The following SERHL2 variants were observed in gnomAD, a reference collection of about 807,000 sequenced individuals.
The protein encoded by SERHL2 is serine hydrolase-like protein 2.
In SERHL2, 29 loss-of-function variants were observed where a neutral mutation model predicts 25.5. The ratio of observed to expected loss-of-function variants is 1.14; its 90% confidence interval spans 0.85 to 1.55. The LOEUF is 1.55. Among genes scored for constraint, SERHL2 ranks in the 40% most tolerant of loss-of-function variants. The pLI is 0.00. For synonymous variants in SERHL2, 95 were observed against 103.5 expected (o/e 0.92, Z 0.50); for missense variants, 240 against 252.3 (o/e 0.95, Z 0.33).
Position 42,571,191 on chromosome 22 carries a change from T to A in SERHL2, c.719T>A (p.Val240Asp), listed in dbSNP as rs1432053709. The A allele has an allele frequency of 1.2e-6, 2 of 1,613,322 alleles. No homozygotes were observed. Among genetic ancestry groups the A allele is most frequent in the Admixed American group, 3.3e-5 (2 of 60,006 alleles). The change falls in exon 10 of 12, where the codon GTC becomes GAC. Residue 240 changes from valine to aspartate, a missense_variant. Val to Asp is a radical substitution (Grantham distance 152). Around this residue, in one of 4 missense-constraint regions of SERHL2, gnomAD observed 212 missense variants for 168.9 expected, o/e 1.25. Transcript: ENST00000327678. ...AHSIRKLQAH[V>D]LLIKAVHGYF... Reference sequence around the variant, plus strand: ...TCCATCAGGAAGCTGCAGGCCCATGTCCTGTTGATCAAGTAAGTCTGGACC... The same window carrying A: ...TCCATCAGGAAGCTGCAGGCCCATGACCTGTTGATCAAGTAAGTCTGGACC...
intron 6 of SERHL2, 73 bp downstream of exon 6, chr22:42,556,661 TC>T (rs2146669615): frequency 7.9e-7 from 1 of 1,271,998 alleles, no homozygotes; most frequent in East Asian, 2.8e-5. Flanking sequence ...CAGCCCTGTC[TC>T]CTTTGGTGGA....
rs774273739 is a variant in SERHL2, at chr22:42,574,071, T to C, written c.*16T>C. 20 of 1,610,734 alleles carry C rather than the reference T, an allele frequency of 1.2e-5. No homozygotes were observed. The highest frequency in any genetic ancestry group is 1.7e-5 in the Non-Finnish European group (20 of 1,177,430). ...CCAGCTGTAGCTCTGGGCCTGGAAC[T>C]ATGAAGACCTAGTGCTCCCAGACTC... is the stretch of plus-strand genomic sequence containing the variant. On this transcript the variant is annotated 3_prime_UTR_variant, in exon 12 of 12. Coordinates refer to ENST00000327678, the MANE Select transcript of SERHL2 (RefSeq NM_014509.5).
chr22:42,567,640 C>T lies in SERHL2; in HGVS notation c.648+1302C>T, dbSNP rs533594293. 7.3e-5 allele frequency among the ~76,000 whole-genome samples: 11 copies of T among 150,740 alleles called. No homozygotes were observed. The East Asian group carries it at 9.8e-4, about 13-fold the overall frequency. Reference sequence around the variant, plus strand: ...GATTGCGCCACTGCAGTTCGCAGTCCGGCCTGGGCGACAGAGCGAGACTCC... The same window carrying T: ...GATTGCGCCACTGCAGTTCGCAGTCTGGCCTGGGCGACAGAGCGAGACTCC... On this transcript the variant is annotated intron_variant, in intron 9 of 11. Coordinates refer to ENST00000327678, the MANE Select transcript of SERHL2 (RefSeq NM_014509.5).
intron 8 of SERHL2, among the ~76,000 whole-genome samples, chr22:42,560,495 G>A (rs1240006937): frequency 6.6e-6 from 1 of 151,868 alleles, no homozygotes; most frequent in African/African-American, 2.4e-5. Flanking sequence ...AGAAAGCCAC[G>A]CTCTGGGAGA....
intron 5 of SERHL2, chr22:42,556,291 T>A: frequency 1.9e-6 from 1 of 531,958 alleles, no homozygotes; most frequent in Non-Finnish European, 3.5e-6. Flanking sequence ...CACCGCACCC[T>A]GGAGTCCAGC....
chr22:42,574,214 C>T lies in SERHL2; in HGVS notation c.*159C>T. ...GTCAGGGGAAGGAGCGAGATTCCAACTTCAACATCTGTGACCTCAAGGGGG... is the reference window on the plus strand; with the variant it reads ...GTCAGGGGAAGGAGCGAGATTCCAATTTCAACATCTGTGACCTCAAGGGGG... On this transcript the variant is annotated 3_prime_UTR_variant, in exon 12 of 12. Transcript: ENST00000327678. 1 of 642,986 alleles carries T rather than the reference C, an allele frequency of 1.6e-6. No homozygotes were observed. The highest frequency in any genetic ancestry group is 2.7e-6 in the Non-Finnish European group (1 of 368,042). 39.8% of individuals were successfully genotyped at this position (642,986 alleles called of 1,614,324 possible).
At chr22:42,560,370 C>A in intron 8 of SERHL2, 105 bp downstream of exon 8, 1 of 795,516 alleles carries the variant, frequency 1.3e-6, no homozygotes, top group Non-Finnish European at 2.2e-6. Flanking sequence ...GCTTTGCAAA[C>A]AGCATCTCAC....
chr22:42,566,485 G>A (rs985446992), intron 9 of SERHL2, 147 bp downstream of exon 9: 4 of 733,250 alleles, frequency 5.5e-6, no homozygotes, highest in African/African-American at 1.7e-5. Context: ...TTGAATGGGA[G>A]GCAGAGGTTG....
rs1923391923 is a variant in SERHL2 at position 42,566,396 on chromosome 22, T to C, written c.648+58T>C. 75 of 1,570,654 alleles carry C rather than the reference T, an allele frequency of 4.8e-5. 2 individuals are homozygous for C. The South Asian group carries it at 7.6e-4, about 16-fold the overall frequency. ...GGTTTGCCTGTTAGCGTCTTTGTCG[T>C]TTTTGAAAATTACAGGCCAGGCGTG... On this transcript the variant is annotated intron_variant, in intron 9 of 11. Transcript: ENST00000327678.
intron 9 of SERHL2, chr22:42,569,503 A>C (rs1351898259): frequency 6.6e-6 from 1 of 151,834 alleles, no homozygotes; most frequent in East Asian, 1.9e-4. Context: ...CAGGCGATCC[A>C]CCTGCCTCAG....
At chr22:42,568,751 G>A (rs13054218) in intron 9 of SERHL2, among the ~76,000 whole-genome samples, 1 of 151,966 alleles carries the variant, frequency 6.6e-6, no homozygotes, top group Non-Finnish European at 1.5e-5. Flanking sequence ...GATCACTTGA[G>A]GCCAGGAGTT....
chr22:42,573,960 G>A lies in SERHL2; in HGVS notation c.850G>A (p.Gly284Ser). ...GCAGTTCCAGTTTGTGGAAGTCCCA[G>A]GCAATCACTGTGTCCACATGAGCGA... The part of the protein sequence containing the change: ...KEQFQFVEVP[G>S]NHCVHMSEPQ... The change falls in exon 12 of 12, where the codon GGC becomes AGC. Residue 284 changes from glycine to serine, a missense_variant. By Grantham distance (56) the Gly-to-Ser change is moderately conservative. Transcript: ENST00000327678. 1 of 1,444,848 alleles carries A rather than the reference G, an allele frequency of 6.9e-7. No homozygotes were observed. Among genetic ancestry groups the A allele is most frequent in the Non-Finnish European group, 9.6e-7 (1 of 1,045,634 alleles). 89.5% of individuals were successfully genotyped at this position (1,444,848 alleles called of 1,614,324 possible).
intron 7 of SERHL2, among the ~76,000 whole-genome samples, chr22:42,559,229 T>TAA (rs1194822216): frequency 0.024 from 1,672 of 69,306 alleles, 173 homozygotes; most frequent in African/African-American, 0.13. Context: ...ACCCTGTATT[T>TAA]AAAAAAAAAA....
intron 9 of SERHL2, among the ~76,000 whole-genome samples, chr22:42,567,556 C>T (rs1409194395): frequency 6.0e-5 from 9 of 150,600 alleles, no homozygotes; most frequent in East Asian, 2.0e-4. Context: ...CCCAGCTACT[C>T]GGGAGGCTGA....
chr22:42,572,586 C>G (rs1924383850), intron 11 of SERHL2, 57 bp downstream of exon 11: 1 of 1,590,122 alleles, frequency 6.3e-7, no homozygotes, highest in Admixed American at 1.7e-5. Context: ...CTGGTCCCAC[C>G]TCACCCATCT....
At position 42,571,150 on chromosome 22, in the gene SERHL2, G is replaced by A; in HGVS notation, c.678G>A (p.Arg226=). 2 of 1,613,450 alleles carry A rather than the reference G, an allele frequency of 1.2e-6. No homozygotes were observed. Among genetic ancestry groups the A allele is most frequent in the Non-Finnish European group, 1.7e-6 (2 of 1,179,658 alleles). ...WAENSIDFIS[R]ELCAHSIRKL... ...AGAACAGCATTGACTTCATCAGCAG[G>A]GAGCTGTGTGCGCATTCCATCAGGA... The change falls in exon 10 of 12, where the codon AGG becomes AGA. Residue 226 remains arginine (R), a synonymous_variant. Coordinates refer to ENST00000327678, the MANE Select transcript of SERHL2 (RefSeq NM_014509.5).
At chr22:42,571,430 C>G (rs1924175228) in intron 10 of SERHL2, 1 of 1,381,338 alleles carries the variant, frequency 7.2e-7, no homozygotes, top group Non-Finnish European at 9.4e-7. Flanking sequence ...CTGTCCCATG[C>G]CTTTCCACAG....
At chr22:42,560,050 G>C (rs1295904839) in intron 7 of SERHL2, 136 bp from the exon 8 acceptor site, 1 of 662,060 alleles carries the variant, frequency 1.5e-6, no homozygotes, top group Non-Finnish European at 2.7e-6. Context: ...GACCTCAGAT[G>C]ATCCGCCCAT....
At chr22:42,570,068 A>AGC in intron 9 of SERHL2, 2 of 152,278 alleles carry the variant, frequency 1.3e-5, no homozygotes, top group Middle Eastern at 6.8e-3. Flanking sequence ...AGATCAGAGC[A>AGC]GCACAGTGCA....
Sources: allele counts gnomAD v4.1 joint callset (sites outside exome capture counted in the v4.1 genomes callset), GRCh38; gene constraint gnomAD v4.1.1; regional missense constraint gnomAD v4.1.1; transcripts MANE v1.5; gene names NCBI Gene and HGNC (gene_info 2026-07-23, HGNC 2026-07-21).